Variants in CCT3 observed in about 807,000 individuals in gnomAD.
CCT3 encodes the protein chaperonin containing TCP1 subunit 3, also known as T-complex protein 1 subunit gamma.
Under a neutral mutation model 65.3 loss-of-function variants are expected in CCT3, and 10 were observed. The observed-to-expected ratio is 0.15, with a 90% CI of 0.09 to 0.26. The LOEUF (loss-of-function observed/expected upper bound fraction) is 0.26. CCT3 is among the 10% of genes least tolerant of loss of function. CCT3 has a pLI of 1.00. For missense variants in CCT3, 626 were observed against 708.7 expected, an observed-to-expected ratio of 0.88 and a Z score of 1.33; for synonymous variants, 225 against 242.3, an observed-to-expected ratio of 0.93 and a Z score of 0.66.
intron 4 of CCT3, 136 bp from the exon 5 acceptor site, chr1:156,333,779 TA>T: frequency 3.2e-6 from 2 of 623,570 alleles, no homozygotes; most frequent in South Asian, 4.3e-5. Context: ...CTTGAAAGAT[TA>T]AAATTGGCAC....
chr1:156,324,358 C>A (rs12023704), intron 6 of CCT3, among the ~76,000 whole-genome samples: 34,559 of 152,194 alleles, frequency 0.23, 4,700 homozygotes, highest in Non-Finnish European at 0.29. Flanking sequence ...CCACCGAGCC[C>A]TGCCAGGTTT....
At position 156,310,516 on chromosome 1, in the gene CCT3, A is replaced by T. The variant is rs562425485; in HGVS notation, c.1533+42T>A. ...AAAATAAATAAATAGATAAATAAAT[A>T]AATTAATTAAAACAGCGTGTACATA... On this transcript the variant is annotated intron_variant, in intron 13 of 13. Coordinates refer to ENST00000295688, the MANE Select transcript of CCT3 (RefSeq NM_005998.5). 2.8e-4 allele frequency: 348 copies of T among 1,239,218 alleles called. 3 individuals are homozygous for T. The South Asian group carries it at 3.3e-3, about 12-fold the overall frequency. The allele number at this position is 1,239,218 out of a possible 1,614,324, so 76.8% of individuals were successfully genotyped here. A position where few individuals can be genotyped will look rare whatever the true frequency, so the allele number is the denominator to read the frequency against.
At chr1:156,327,283 CTCTCCCT>C (rs974161124) in intron 5 of CCT3, among the ~76,000 whole-genome samples, 11 of 152,068 alleles carry the variant, frequency 7.2e-5, no homozygotes, top group Middle Eastern at 3.2e-3. Flanking sequence ...CCCCTCTCCC[CTCTCCCT>C]CTCCACGGTC....
At chr1:156,324,036 T>C (rs552209668) in intron 6 of CCT3, among the ~76,000 whole-genome samples, 2 of 150,680 alleles carry the variant, frequency 1.3e-5, no homozygotes, top group African/African-American at 4.9e-5. Flanking sequence ...GTGCTAGGAT[T>C]ACAGGTGTGA....
Position 156,335,020 on chromosome 1 carries a change from G to A in CCT3, c.94-102C>T, listed in dbSNP as rs546411741. 28 of 909,884 alleles carry A rather than the reference G, an allele frequency of 3.1e-5. No homozygotes were observed. The African/African-American group carries it at 3.7e-4, about 12-fold the overall frequency. The allele number at this position is 909,884 out of a possible 1,614,324, so 56.4% of individuals were successfully genotyped here. On this transcript the variant is annotated intron_variant, in intron 2 of 13. Coordinates refer to ENST00000295688, the MANE Select transcript of CCT3 (RefSeq NM_005998.5). Reference sequence around the variant, plus strand: ...GGGGCATGAACAACCCACAGAGTCAGTGTTTTATTTTATTTTAATTTTATT... The same window carrying A: ...GGGGCATGAACAACCCACAGAGTCAATGTTTTATTTTATTTTAATTTTATT...
rs142278898 is a variant in CCT3, at chr1:156,312,174, T to C, written c.1022A>G (p.Asp341Gly). The C allele has an allele frequency of 6.2e-7, 1 of 1,614,158 alleles. No individual in the cohort carries two copies. The highest frequency in any genetic ancestry group is 8.5e-7 in the Non-Finnish European group (1 of 1,180,020). Residue 341 changes from aspartate (D) to glycine (G), a missense_variant, in exon 11 of 14, where the codon GAT (aspartate) becomes GGT (glycine). Coordinates refer to ENST00000295688, the MANE Select transcript of CCT3 (RefSeq NM_005998.5). The stretch of plus-strand genomic sequence containing the variant: ...CAGGCCTGCTCCTGTTCCAACATCA[T>C]CTTCTCTCAGTTCCTCTGGTCGGCT... ...IVSRPEELRE[D>G]DVGTGAGLLE... is the part of the protein sequence containing the mutation.
intron 5 of CCT3, among the ~76,000 whole-genome samples, chr1:156,331,634 G>C (rs1023139541): frequency 6.6e-6 from 1 of 151,836 alleles, no homozygotes; most frequent in Non-Finnish European, 1.5e-5. Context: ...AGTGAACTGA[G>C]ATTGCGCCAA....
intron 5 of CCT3, among the ~76,000 whole-genome samples, chr1:156,331,923 T>C (rs1665116291): frequency 6.6e-6 from 1 of 151,794 alleles, no homozygotes; most frequent in Non-Finnish European, 1.5e-5. Flanking sequence ...TCCCAGCTAC[T>C]TGGAAGGCTA....
chr1:156,315,290 C>A (rs1664262447), intron 10 of CCT3, among the ~76,000 whole-genome samples: 1 of 152,148 alleles, frequency 6.6e-6, no homozygotes, highest in Admixed American at 6.5e-5. Context: ...CTTACTGCAA[C>A]CTCCGCCTCC....
At chr1:156,313,365 AGAGAG>A (rs1664166371) in intron 10 of CCT3, among the ~76,000 whole-genome samples, 2 of 86,642 alleles carry the variant, frequency 2.3e-5, no homozygotes, top group Admixed American at 2.4e-4. Context: ...AAAAAAAAAG[AGAGAG>A]AGAGAGAGAG....
intron 2 of CCT3, 94 bp from the exon 3 acceptor site, chr1:156,335,012 CAG>C (rs1665275270): frequency 1.0e-6 from 1 of 955,382 alleles, no homozygotes; most frequent in Non-Finnish European, 1.6e-6. Flanking sequence ...GAACAACCCA[CAG>C]AGTCAGTGTT....
chr1:156,323,921 C>G (rs1558269212), intron 6 of CCT3, among the ~76,000 whole-genome samples: 1 of 151,754 alleles, frequency 6.6e-6, no homozygotes. Context: ...TGCAACCACA[C>G]CTGGCTAATT....
At chr1:156,317,662 T>G in intron 8 of CCT3, 115 bp from the exon 9 acceptor site, 1 of 1,043,100 alleles carries the variant, frequency 9.6e-7, no homozygotes, top group Non-Finnish European at 1.4e-6. Flanking sequence ...CAGAATTATG[T>G]TAAAGCCATG....
intron 5 of CCT3, 163 bp downstream of exon 5, chr1:156,333,384 T>TCC: frequency 1.7e-6 from 1 of 588,252 alleles, no homozygotes; most frequent in East Asian, 2.9e-5. Flanking sequence ...CTCACCCTAT[T>TCC]CATATAAATG....
intron 1 of CCT3, among the ~76,000 whole-genome samples, chr1:156,336,260 A>T (rs192826162): frequency 7.6e-4 from 110 of 145,368 alleles, no homozygotes; most frequent in African/African-American, 2.7e-3. Flanking sequence ...AGATTATGTG[A>T]GAAAATGAGA....
At chr1:156,316,287 C>T (rs1159705931) in intron 10 of CCT3, among the ~76,000 whole-genome samples, 2 of 151,870 alleles carry the variant, frequency 1.3e-5, no homozygotes, top group Admixed American at 1.3e-4. Context: ...AATACCATAC[C>T]ATTTTATATA....
intron 10 of CCT3, among the ~76,000 whole-genome samples, chr1:156,313,213 C>T (rs1195244748): frequency 3.3e-5 from 5 of 151,934 alleles, no homozygotes; most frequent in Non-Finnish European, 7.4e-5. Context: ...ATGGCACACG[C>T]CTGTACTCCC....
rs769099745 is a variant in CCT3 at position 156,311,074 on chromosome 1, G to T, written c.1277C>A (p.Ser426Tyr). The change falls in exon 12 of 14, where the codon TCC becomes TAC. Residue 426 changes from serine (S) to tyrosine (Y), a missense_variant. Ser to Tyr is a moderately radical substitution (Grantham distance 144). Coordinates refer to ENST00000295688, the MANE Select transcript of CCT3 (RefSeq NM_005998.5). Reference sequence around the variant, plus strand: ...TTGTTCCACACCAGTCATGGCCTTGGATTTTTCTGTCAAGGCATGGGCCAC... The same window carrying T: ...TTGTTCCACACCAGTCATGGCCTTGTATTTTTCTGTCAAGGCATGGGCCAC... Reference protein sequence around the residue: ...MAVAHALTEKSKAMTGVEQWP... With the variant: ...MAVAHALTEKYKAMTGVEQWP... The T allele has an allele frequency of 1.2e-6, 2 of 1,614,008 alleles. No individual in the cohort carries two copies. The highest frequency in any genetic ancestry group is 1.7e-6 in the Non-Finnish European group (2 of 1,180,026).
At chr1:156,328,036 A>G (rs1664915136) in intron 5 of CCT3, among the ~76,000 whole-genome samples, 1 of 2,432 alleles carries the variant, frequency 4.1e-4, no homozygotes, top group Non-Finnish European at 9.0e-4. Flanking sequence ...TCCGGGAGGG[A>G]GGTGGGGGTC....
Sources: allele counts gnomAD v4.1 joint callset (sites outside exome capture counted in the v4.1 genomes callset), GRCh38; gene constraint gnomAD v4.1.1; transcripts MANE v1.5; gene names NCBI Gene and HGNC (gene_info 2026-07-23, HGNC 2026-07-21).